KCNIP4: variants seen among roughly 807,000 people sequenced by gnomAD.
KCNIP4 encodes potassium voltage-gated channel interacting protein 4, also known as Kv channel-interacting protein 4.
In KCNIP4, 12 loss-of-function variants were observed where a neutral mutation model predicts 34.0. The ratio of observed to expected loss-of-function variants is 0.35; its 90% CI spans 0.23 to 0.57. KCNIP4 has a LOEUF of 0.57. Among genes scored for constraint, KCNIP4 ranks in the 20% least tolerant of loss-of-function variants. The pLI, the probability that KCNIP4 is intolerant of heterozygous loss-of-function variation, is 0.83. For missense variants in KCNIP4, 238 were observed against 311.7 expected, an observed-to-expected ratio of 0.76 and a Z score of 1.78; for synonymous variants, 124 against 102.2, an observed-to-expected ratio of 1.21 and a Z score of -1.29.
At chr4:21,312,627 G>T (rs762251044) in intron 1 of KCNIP4, among the ~76,000 whole-genome samples, 1 of 152,152 alleles carries the variant, frequency 6.6e-6, no homozygotes, top group Non-Finnish European at 1.5e-5. Flanking sequence ...TAAAAGTAAG[G>T]CATTTTAAAC....
chr4:21,523,478 G>A (rs1052501617), intron 1 of KCNIP4, among the ~76,000 whole-genome samples: 1 of 152,050 alleles, frequency 6.6e-6, no homozygotes, highest in East Asian at 1.9e-4. Flanking sequence ...AAATGACTTA[G>A]TCCTCAATAA....
intron 1 of KCNIP4, among the ~76,000 whole-genome samples, chr4:21,064,850 A>G (rs1421163182): frequency 6.6e-6 from 1 of 152,208 alleles, no homozygotes; most frequent in East Asian, 1.9e-4. Flanking sequence ...AAAAAACTCT[A>G]CATAAATACA....
Position 21,889,988 on chromosome 4 carries a change from A to G in KCNIP4, c.61+58583T>C, listed in dbSNP as rs117025559. Among the ~76,000 whole-genome samples, 36 of 152,226 alleles carry G rather than the reference A, an allele frequency of 2.4e-4. No individual in the cohort carries two copies. In the East Asian group the frequency reaches 6.2e-3, roughly 26 times the overall value. On this transcript the variant is annotated intron_variant, in intron 1 of 8. Coordinates refer to ENST00000382152, the MANE Select transcript of KCNIP4 (RefSeq NM_025221.6). ...GATGAATTTGTTGTTGGTATCCACA[A>G]TGGAATTGGTGGTGGTATTGGCGAT...
chr4:21,097,961 A>C (rs117365304), intron 1 of KCNIP4, among the ~76,000 whole-genome samples: 1 of 152,206 alleles, frequency 6.6e-6, no homozygotes, highest in Non-Finnish European at 1.5e-5. Context: ...GAGTTCTTGA[A>C]GAAAATTAAA....
At chr4:21,231,064 G>A (rs1049157402) in intron 1 of KCNIP4, among the ~76,000 whole-genome samples, 1 of 152,070 alleles carries the variant, frequency 6.6e-6, no homozygotes, top group Non-Finnish European at 1.5e-5. Context: ...GCAGTCCTAG[G>A]AAACTAATAT....
At chr4:21,457,221 C>T (rs906553481) in intron 1 of KCNIP4, among the ~76,000 whole-genome samples, 1 of 152,050 alleles carries the variant, frequency 6.6e-6, no homozygotes, top group South Asian at 2.1e-4. Flanking sequence ...CATTTGTCAT[C>T]TGCTGCTTCT....
intron 1 of KCNIP4, among the ~76,000 whole-genome samples, chr4:21,579,932 C>CTTAG (rs1741080115): frequency 6.6e-6 from 1 of 152,028 alleles, no homozygotes; most frequent in African/African-American, 2.4e-5. Context: ...TCACAGAACG[C>CTTAG]TTAGGTAAGT....
At chr4:21,088,246 C>G (rs1323379029) in intron 1 of KCNIP4, among the ~76,000 whole-genome samples, 2 of 152,070 alleles carry the variant, frequency 1.3e-5, no homozygotes, top group Non-Finnish European at 2.9e-5. Flanking sequence ...ACTGAATTGC[C>G]TGGAACTGAG....
At chr4:20,781,805 C>G (rs1272145047) in intron 3 of KCNIP4, among the ~76,000 whole-genome samples, 1 of 152,108 alleles carries the variant, frequency 6.6e-6, no homozygotes, top group Non-Finnish European at 1.5e-5. Context: ...CCTCACATTT[C>G]AAAACCAATC....
chr4:21,121,593 C>A (rs1056185991), intron 1 of KCNIP4, among the ~76,000 whole-genome samples: 3 of 152,232 alleles, frequency 2.0e-5, no homozygotes, highest in African/African-American at 7.2e-5. Context: ...TAAAATACTA[C>A]TTCTAATTCC....
intron 1 of KCNIP4, among the ~76,000 whole-genome samples, chr4:21,842,401 T>C (rs1388191626): frequency 6.6e-6 from 1 of 152,112 alleles, no homozygotes; most frequent in Non-Finnish European, 1.5e-5. Flanking sequence ...TTTCACCTAA[T>C]AGAGATTCCT....
intron 2 of KCNIP4, among the ~76,000 whole-genome samples, chr4:20,860,175 T>G (rs1002183528): frequency 2.0e-5 from 3 of 152,034 alleles, no homozygotes; most frequent in Non-Finnish European, 4.4e-5. Flanking sequence ...GTCTCGCTCT[T>G]GTTGCCCAGG....
At chr4:21,810,219 C>T (rs1216407901) in intron 1 of KCNIP4, among the ~76,000 whole-genome samples, 1 of 152,150 alleles carries the variant, frequency 6.6e-6, no homozygotes, top group Non-Finnish European at 1.5e-5. Context: ...GCTATGTGAT[C>T]TCATTATCCT....
At chr4:21,058,777 G>T (rs1743642598) in intron 1 of KCNIP4, among the ~76,000 whole-genome samples, 1 of 152,056 alleles carries the variant, frequency 6.6e-6, no homozygotes, top group African/African-American at 2.4e-5. Flanking sequence ...TGTATCCTCA[G>T]CCACACTATG....
chr4:21,387,675 T>C (rs1233011511), intron 1 of KCNIP4, among the ~76,000 whole-genome samples: 3 of 152,188 alleles, frequency 2.0e-5, no homozygotes, highest in Non-Finnish European at 4.4e-5. Context: ...TGCTTGGGAC[T>C]ATAAGGTTTT....
At chr4:21,341,265 A>G (rs1026169818) in intron 1 of KCNIP4, among the ~76,000 whole-genome samples, 7 of 152,040 alleles carry the variant, frequency 4.6e-5, no homozygotes, top group African/African-American at 1.4e-4. Context: ...GACAGAGTAT[A>G]TTTATTTTGT....
At chr4:20,809,996 G>T (rs759610688) in intron 3 of KCNIP4, among the ~76,000 whole-genome samples, 51 of 152,298 alleles carry the variant, frequency 3.3e-4, no homozygotes, top group Non-Finnish European at 7.1e-4. Context: ...GATCTCTTCA[G>T]CAGCACGTTT....
chr4:21,315,153 T>C (rs112566793), intron 1 of KCNIP4: 1 of 152,218 alleles, frequency 6.6e-6, no homozygotes, highest in Non-Finnish European at 1.5e-5. Flanking sequence ...AGTTGTTAAG[T>C]TGAAATACAG....
chr4:21,301,821 T>G (rs2109243603), intron 1 of KCNIP4, among the ~76,000 whole-genome samples: 1 of 152,248 alleles, frequency 6.6e-6, no homozygotes, highest in Non-Finnish European at 1.5e-5. Context: ...AGCAAAGTAT[T>G]TAGTCAAATT....
Sources: allele counts gnomAD v4.1 joint callset (sites outside exome capture counted in the v4.1 genomes callset), GRCh38; gene constraint gnomAD v4.1.1; transcripts MANE v1.5; gene names NCBI Gene and HGNC (gene_info 2026-07-23, HGNC 2026-07-21).